MCC: variants seen among roughly 807,000 people sequenced by gnomAD.
MCC encodes colorectal mutant cancer protein.
Under a neutral mutation model 116.2 loss-of-function variants are expected in MCC, and 90 were observed. The ratio of observed to expected loss-of-function variants is 0.77; its 90% CI spans 0.65 to 0.92. The LOEUF is 0.92. Among genes scored for constraint, MCC ranks in the 40% least tolerant of loss-of-function variants. The pLI is 0.00. For synonymous variants in MCC, 578 were observed against 510.5 expected, an observed-to-expected ratio of 1.13 and a Z score of -1.78; for missense variants, 1,516 against 1,312.2, an observed-to-expected ratio of 1.16 and a Z score of -2.40.
chr5:113,235,825 T>C (rs1358398909), intron 3 of MCC, among the ~76,000 whole-genome samples: 1 of 152,232 alleles, frequency 6.6e-6, no homozygotes, highest in Non-Finnish European at 1.5e-5. Context: ...ATTTCAATGT[T>C]ATGCCCAGTT....
intron 11 of MCC, among the ~76,000 whole-genome samples, chr5:113,075,145 C>T (rs779206959): frequency 1.8e-4 from 27 of 152,216 alleles, no homozygotes; most frequent in Non-Finnish European, 3.8e-4. Flanking sequence ...CGGCTGGTGC[C>T]ACTGGCCCTG....
At chr5:113,231,724 C>T (rs1293618604) in intron 3 of MCC, among the ~76,000 whole-genome samples, 1 of 152,114 alleles carries the variant, frequency 6.6e-6, no homozygotes, top group Non-Finnish European at 1.5e-5. Flanking sequence ...TACCAATTTG[C>T]CAATGTGTCT....
chr5:113,437,556 A>AAAAATCTGGGC (rs1770898999), intron 1 of MCC, among the ~76,000 whole-genome samples: 1 of 152,208 alleles, frequency 6.6e-6, no homozygotes, highest in Non-Finnish European at 1.5e-5. Flanking sequence ...TGCATTTTAC[A>AAAAATCTGGGC]AAAATCTGGG....
chr5:113,203,906 A>G (rs796447663), intron 3 of MCC, among the ~76,000 whole-genome samples: 29 of 152,334 alleles, frequency 1.9e-4, no homozygotes, highest in African/African-American at 6.5e-4. Context: ...AAAGTCACCA[A>G]GATTGGTCCT....
chr5:113,375,070 T>G (rs1350465587), intron 2 of MCC, among the ~76,000 whole-genome samples: 1 of 152,060 alleles, frequency 6.6e-6, no homozygotes, highest in Admixed American at 6.5e-5. Flanking sequence ...CACAGCTATG[T>G]ACTCCCTGGA....
At chr5:113,054,914 C>T (rs1332424040) in intron 14 of MCC, among the ~76,000 whole-genome samples, 1 of 152,250 alleles carries the variant, frequency 6.6e-6, no homozygotes, top group Non-Finnish European at 1.5e-5. Context: ...GGGCAGGCTG[C>T]TCCCCGTGCC....
intron 3 of MCC, among the ~76,000 whole-genome samples, chr5:113,269,848 T>C (rs1466814888): frequency 2.6e-5 from 4 of 152,198 alleles, no homozygotes; most frequent in Non-Finnish European, 4.4e-5. Context: ...CTCTCACCAC[T>C]GCAAGATTTC....
At chr5:113,304,807 T>TG (rs1367948345) in intron 3 of MCC, among the ~76,000 whole-genome samples, 2 of 152,114 alleles carry the variant, frequency 1.3e-5, no homozygotes, top group Non-Finnish European at 2.9e-5. Flanking sequence ...TACCTGCATA[T>TG]GGTCAATTTC....
chr5:113,308,839 GAA>G (rs1200133599), intron 3 of MCC, among the ~76,000 whole-genome samples: 1 of 150,176 alleles, frequency 6.7e-6, no homozygotes, highest in Non-Finnish European at 1.5e-5. Flanking sequence ...GAGAGAGACA[GAA>G]AAAAAGAGAG....
At chr5:113,058,175 T>C (rs1030508763) in intron 14 of MCC, among the ~76,000 whole-genome samples, 2 of 152,250 alleles carry the variant, frequency 1.3e-5, no homozygotes, top group Admixed American at 6.5e-5. Context: ...TATAAATTTA[T>C]ACTTGAAACA....
At position 113,064,049 on chromosome 5, in the gene MCC, T is replaced by C. The variant is rs1295726027; in HGVS notation, c.2148A>G (p.Gly716=). The change falls in exon 14 of 19, where the codon GGA becomes GGG. Residue 716 remains glycine (G), a synonymous_variant. Transcript: ENST00000408903. ...CGCTGCAGCCGGCCACGGCAAAGGC[T>C]CCCCCACAGCTGCCGTCCAGCTTCA... ...LLMKLDGSCG[G]AFAVAGCSVQ... is the part of the protein sequence containing the mutation. 6.2e-7 allele frequency: 1 copy of C among 1,613,990 alleles called. No homozygotes were observed. Among genetic ancestry groups the C allele is most frequent in the East Asian group, 2.2e-5 (1 of 44,888 alleles).
intron 3 of MCC, among the ~76,000 whole-genome samples, chr5:113,315,277 T>C (rs1245454940): frequency 2.0e-5 from 3 of 152,192 alleles, no homozygotes; most frequent in African/African-American, 7.2e-5. Flanking sequence ...CCATAGCTCT[T>C]CTTCAACAGC....
At chr5:113,079,046 A>T (rs950619241) in intron 11 of MCC, among the ~76,000 whole-genome samples, 1 of 152,156 alleles carries the variant, frequency 6.6e-6, no homozygotes, top group African/African-American at 2.4e-5. Context: ...TCATGAGTGG[A>T]CTCCCATTCA....
chr5:113,035,530 A>C (rs1751271585), intron 17 of MCC, among the ~76,000 whole-genome samples: 1 of 152,048 alleles, frequency 6.6e-6, no homozygotes, highest in African/African-American at 2.4e-5. Context: ...TCTTGCCTGG[A>C]CCTCTAAGGC....
chr5:113,103,224 C>G (rs1323616819), intron 7 of MCC, among the ~76,000 whole-genome samples: 1 of 152,200 alleles, frequency 6.6e-6, no homozygotes, highest in Admixed American at 6.5e-5. Context: ...TGTTGGTTCT[C>G]AAATCTTGCT....
At chr5:113,100,961 T>C (rs1229781540) in intron 8 of MCC, among the ~76,000 whole-genome samples, 1 of 152,182 alleles carries the variant, frequency 6.6e-6, no homozygotes, top group African/African-American at 2.4e-5. Flanking sequence ...CAATCACAGA[T>C]CAAACTCACA....
At chr5:113,252,034 C>T (rs2150344137) in intron 3 of MCC, among the ~76,000 whole-genome samples, 1 of 152,226 alleles carries the variant, frequency 6.6e-6, no homozygotes, top group East Asian at 1.9e-4. Context: ...ACCCTTTTTC[C>T]ACAAAAATCA....
chr5:113,136,105 T>A (rs1055490079), intron 5 of MCC, among the ~76,000 whole-genome samples: 13 of 152,150 alleles, frequency 8.5e-5, no homozygotes, highest in Admixed American at 8.5e-4. Flanking sequence ...GGGACATGCA[T>A]ATATACATAA....
chr5:113,270,284 A>C (rs1434838512), intron 3 of MCC, among the ~76,000 whole-genome samples: 9 of 152,120 alleles, frequency 5.9e-5, no homozygotes, highest in African/African-American at 2.2e-4. Context: ...TCTTTAGGTC[A>C]TCCACGCCAG....
Sources: gnomAD v4.1 joint callset for allele counts (sites outside exome capture counted in the v4.1 genomes callset) on GRCh38, gnomAD v4.1.1 for gene constraint, MANE v1.5 for transcripts, NCBI Gene and HGNC (gene_info 2026-07-23, HGNC 2026-07-21) for gene names.